Variants in PALM2AKAP2 observed in about 807,000 individuals in gnomAD.
PALM2AKAP2 encodes PALM2 and AKAP2 fusion, also known as PALM2-AKAP2 fusion protein.
Under a neutral mutation model 71.5 loss-of-function variants are expected in PALM2AKAP2, and 37 were observed. That is an observed-to-expected ratio of 0.52 (90% confidence interval 0.40 to 0.68). PALM2AKAP2 has a LOEUF of 0.68. PALM2AKAP2 is among the 30% of genes least tolerant of loss of function. PALM2AKAP2 has a pLI of 0.00. For synonymous variants in PALM2AKAP2, 468 were observed against 478.8 expected (o/e 0.98, Z 0.29); for missense variants, 1,224 against 1,191.8 (o/e 1.03, Z -0.40).
intron 1 of PALM2AKAP2, among the ~76,000 whole-genome samples, chr9:109,676,336 G>A (rs1306700325): frequency 6.6e-6 from 1 of 152,186 alleles, no homozygotes; most frequent in Non-Finnish European, 1.5e-5. Flanking sequence ...TGTAGCTAAT[G>A]AGAAAAGTAG....
At chr9:109,809,950 C>T (rs1212613619) in intron 1 of PALM2AKAP2, among the ~76,000 whole-genome samples, 1 of 152,164 alleles carries the variant, frequency 6.6e-6, no homozygotes, top group Non-Finnish European at 1.5e-5. Flanking sequence ...TGAGGCCTCC[C>T]CAGCCATGTG....
At chr9:109,725,509 C>T (rs554489239) in intron 1 of PALM2AKAP2, among the ~76,000 whole-genome samples, 1 of 151,962 alleles carries the variant, frequency 6.6e-6, no homozygotes, top group South Asian at 2.1e-4. Context: ...GGAATTTAAC[C>T]TAAAGGAATA....
At chr9:109,995,827 T>C (rs897498217) in intron 6 of PALM2AKAP2, among the ~76,000 whole-genome samples, 1 of 152,138 alleles carries the variant, frequency 6.6e-6, no homozygotes, top group African/African-American at 2.4e-5. Context: ...TGAAAAATAA[T>C]GATGGTCATG....
chr9:109,716,708 A>G lies in PALM2AKAP2; in HGVS notation c.6-63780A>G, dbSNP rs370263204. Among the ~76,000 whole-genome samples, 4 of 152,324 alleles carry G rather than the reference A, an allele frequency of 2.6e-5. No individual in the cohort carries two copies. In the South Asian group the frequency reaches 8.3e-4, roughly 32 times the overall value. The stretch of plus-strand genomic sequence containing the variant: ...CAAAGTAATGCATGTTGTCCCATCA[A>G]ATGCCTTTCTCCCTTTGAAAAACAG... On this transcript the variant is annotated intron_variant, in intron 1 of 6. Transcript: ENST00000374531.
intron 1 of PALM2AKAP2, among the ~76,000 whole-genome samples, chr9:109,724,904 G>GA (rs1037340038): frequency 3.9e-5 from 6 of 151,912 alleles, no homozygotes; most frequent in African/African-American, 1.2e-4. Flanking sequence ...CATTGATCCT[G>GA]AAAAAAACAG....
At chr9:109,672,195 ATGCTTCCAGCTTT>A (rs537837357) in intron 1 of PALM2AKAP2, among the ~76,000 whole-genome samples, 1 of 152,272 alleles carries the variant, frequency 6.6e-6, no homozygotes, top group Non-Finnish European at 1.5e-5. Flanking sequence ...TTCAAGGGGA[ATGCTTCCAGCTTT>A]TGCCCATTCA....
At chr9:109,759,858 A>G (rs920742228) in intron 1 of PALM2AKAP2, among the ~76,000 whole-genome samples, 9 of 152,192 alleles carry the variant, frequency 5.9e-5, no homozygotes, top group Admixed American at 5.2e-4. Context: ...TGAAAGGCTC[A>G]AAGGTCCCAA....
intron 1 of PALM2AKAP2, among the ~76,000 whole-genome samples, chr9:110,126,882 G>A (rs1165973393): frequency 6.6e-6 from 1 of 152,238 alleles, no homozygotes; most frequent in Non-Finnish European, 1.5e-5. Context: ...GCAGGGCTAA[G>A]AGGAGGATTG....
chr9:110,017,414 G>A (rs144711817), intron 7 of PALM2AKAP2, among the ~76,000 whole-genome samples: 89 of 152,300 alleles, frequency 5.8e-4, no homozygotes, highest in African/African-American at 1.8e-3. Context: ...CTATCACTAC[G>A]TTTAGCAGAA....
intron 6 of PALM2AKAP2, chr9:109,942,628 C>T: frequency 2.7e-6 from 4 of 1,509,428 alleles, no homozygotes; most frequent in Non-Finnish European, 3.5e-6. Context: ...TGGCAATTAA[C>T]CATTCACTGG....
At chr9:109,868,486 G>T (rs1829518112) in intron 2 of PALM2AKAP2, among the ~76,000 whole-genome samples, 1 of 152,138 alleles carries the variant, frequency 6.6e-6, no homozygotes, top group Non-Finnish European at 1.5e-5. Flanking sequence ...CAGAGGACTG[G>T]GTGGGAAGGT....
intron 6 of PALM2AKAP2, among the ~76,000 whole-genome samples, chr9:110,009,239 C>T (rs538764693): frequency 4.6e-5 from 7 of 152,268 alleles, no homozygotes; most frequent in African/African-American, 1.4e-4. Context: ...CTCTCTCCCT[C>T]TGAGGCTTTG....
chr9:110,120,045 TTA>T (rs1835449717), intron 1 of PALM2AKAP2, among the ~76,000 whole-genome samples: 2 of 152,216 alleles, frequency 1.3e-5, no homozygotes, highest in African/African-American at 4.8e-5. Context: ...ACATACCTAT[TTA>T]TATAGCATCA....
intron 5 of PALM2AKAP2, 80 bp from the exon 6 acceptor site, chr9:109,931,847 G>T (rs1588017363): frequency 4.7e-6 from 7 of 1,503,012 alleles, no homozygotes; most frequent in Non-Finnish European, 5.5e-6. Context: ...ATGTAGGGCA[G>T]ACAAGCTGCT....
exon 4 of PALM2AKAP2, chr9:110,171,053 T>A (rs1327797547): frequency 2.0e-5 from 3 of 152,216 alleles, no homozygotes; most frequent in Non-Finnish European, 4.4e-5. Context: ...TAGACTAACT[T>A]CCCCATTTTT....
chr9:110,112,220 A>G (rs1489386280), intron 1 of PALM2AKAP2, among the ~76,000 whole-genome samples: 1 of 151,562 alleles, frequency 6.6e-6, no homozygotes, highest in Non-Finnish European at 1.5e-5. Flanking sequence ...CTCAAAGTGA[A>G]TTCTTAGATT....
intron 1 of PALM2AKAP2, among the ~76,000 whole-genome samples, chr9:110,126,780 C>A (rs1835616594): frequency 6.6e-6 from 1 of 152,216 alleles, no homozygotes; most frequent in Non-Finnish European, 1.5e-5. Flanking sequence ...ACACTGTCTT[C>A]AGTTTCTTTC....
chr9:109,890,387 C>T (rs1430401882), intron 3 of PALM2AKAP2, among the ~76,000 whole-genome samples: 1 of 152,252 alleles, frequency 6.6e-6, no homozygotes, highest in African/African-American at 2.4e-5. Context: ...CCTAGCTTCT[C>T]TTTCCCTCAG....
At chr9:110,064,318 C>A (rs191889208) in intron 1 of PALM2AKAP2, among the ~76,000 whole-genome samples, 1 of 152,128 alleles carries the variant, frequency 6.6e-6, no homozygotes, top group East Asian at 1.9e-4. Context: ...AGCTTGAATC[C>A]CCTAGTAGTG....
Sources: gnomAD v4.1 joint callset for allele counts (sites outside exome capture counted in the v4.1 genomes callset) on GRCh38, gnomAD v4.1.1 for gene constraint, MANE v1.5 for transcripts, NCBI Gene and HGNC (gene_info 2026-07-23, HGNC 2026-07-21) for gene names.